The following RIMS2 variants were observed in gnomAD, a reference collection of about 807,000 sequenced individuals.
RIMS2 encodes the protein regulating synaptic membrane exocytosis 2.
RIMS2 carries 59 observed loss-of-function variants against 174.4 expected under a neutral mutation model. The ratio of observed to expected loss-of-function variants is 0.34; its 90% CI spans 0.27 to 0.42. The LOEUF (loss-of-function observed/expected upper bound fraction) is 0.42, where lower values mean the gene tolerates loss of function less well. RIMS2 is among the 10% of genes least tolerant of loss of function. The pLI is 1.00. For synonymous variants in RIMS2, 606 were observed against 572.5 expected (o/e 1.06, Z -0.84); for missense variants, 1,620 against 1,666.3 (o/e 0.97, Z 0.48).
chr8:104,012,152 C>T (rs1395565493), intron 17 of RIMS2, among the ~76,000 whole-genome samples: 2 of 151,824 alleles, frequency 1.3e-5, no homozygotes, highest in Non-Finnish European at 2.9e-5. Flanking sequence ...AAGTAAATCA[C>T]ATGATAGTAT....
chr8:103,752,331 C>A (rs2097904079), intron 2 of RIMS2, among the ~76,000 whole-genome samples: 1 of 152,118 alleles, frequency 6.6e-6, no homozygotes, highest in Non-Finnish European at 1.5e-5. Context: ...GGTACCAGTA[C>A]CATGCTGTTT....
chr8:103,867,833 G>A (rs2099091029), intron 3 of RIMS2, among the ~76,000 whole-genome samples: 2 of 151,934 alleles, frequency 1.3e-5, no homozygotes, highest in Non-Finnish European at 2.9e-5. Flanking sequence ...TGGTTCACTG[G>A]GAAGGTCAGA....
At chr8:103,672,287 G>T (rs1253352005) in intron 1 of RIMS2, among the ~76,000 whole-genome samples, 2 of 151,322 alleles carry the variant, frequency 1.3e-5, no homozygotes, top group African/African-American at 4.9e-5. Context: ...TGCAAATCTT[G>T]TTCAAAGTAA....
intron 3 of RIMS2, among the ~76,000 whole-genome samples, chr8:103,874,631 A>G (rs996579926): frequency 6.6e-6 from 1 of 152,074 alleles, no homozygotes; most frequent in African/African-American, 2.4e-5. Context: ...TAAAATTGCT[A>G]AAGAAACTTT....
At chr8:104,148,403 A>G (rs911124017) in intron 19 of RIMS2, among the ~76,000 whole-genome samples, 2 of 152,178 alleles carry the variant, frequency 1.3e-5, no homozygotes, top group Admixed American at 1.3e-4. Context: ...AAAATCATAA[A>G]TCTGATTTTG....
intron 3 of RIMS2, among the ~76,000 whole-genome samples, chr8:103,820,683 G>C (rs1442214104): frequency 6.6e-6 from 1 of 151,714 alleles, no homozygotes; most frequent in African/African-American, 2.4e-5. Context: ...TTGAAAATGG[G>C]ATAACATATC....
chr8:103,850,841 T>A (rs1174974912), intron 3 of RIMS2, among the ~76,000 whole-genome samples: 2 of 152,050 alleles, frequency 1.3e-5, no homozygotes, highest in Non-Finnish European at 2.9e-5. Flanking sequence ...GAATCCTATA[T>A]GTTTCTTATC....
intron 19 of RIMS2, among the ~76,000 whole-genome samples, chr8:104,089,378 A>G (rs2097592602): frequency 6.6e-6 from 1 of 151,902 alleles, no homozygotes; most frequent in African/African-American, 2.4e-5. Flanking sequence ...ATATTTTAGG[A>G]AAAGTAAAAC....
chr8:103,825,226 T>C (rs999527800), intron 3 of RIMS2, among the ~76,000 whole-genome samples: 1 of 152,150 alleles, frequency 6.6e-6, no homozygotes, highest in South Asian at 2.1e-4. Context: ...TGAAATTTTA[T>C]AGAAGGTAAT....
intron 19 of RIMS2, among the ~76,000 whole-genome samples, chr8:104,149,126 C>A (rs2098669031): frequency 6.6e-6 from 1 of 152,164 alleles, no homozygotes; most frequent in Non-Finnish European, 1.5e-5. Flanking sequence ...CAATTGCCAG[C>A]TGCTGATCCT....
At chr8:103,998,932 A>G (rs977602305) in intron 17 of RIMS2, among the ~76,000 whole-genome samples, 1 of 151,814 alleles carries the variant, frequency 6.6e-6, no homozygotes, top group African/African-American at 2.4e-5. Context: ...TAATAGCAAG[A>G]AGGGTTAACT....
chr8:104,066,155 G>A (rs1458360253), intron 19 of RIMS2, among the ~76,000 whole-genome samples: 1 of 152,142 alleles, frequency 6.6e-6, no homozygotes, highest in Non-Finnish European at 1.5e-5. Flanking sequence ...TGGTGGCAGA[G>A]TTGTGGCAGA....
chr8:103,933,735 G>T (rs563115736), intron 12 of RIMS2, among the ~76,000 whole-genome samples: 2 of 152,238 alleles, frequency 1.3e-5, no homozygotes, highest in South Asian at 4.1e-4. Flanking sequence ...ATAGTGAAAA[G>T]AATTCTCTGC....
intron 1 of RIMS2, among the ~76,000 whole-genome samples, chr8:103,669,635 C>T (rs1590019308): frequency 6.6e-6 from 1 of 152,216 alleles, no homozygotes; most frequent in Non-Finnish European, 1.5e-5. Context: ...AAAGGGGCTA[C>T]AGGCCCCATG....
chr8:103,982,220 T>C (rs2093966335), intron 16 of RIMS2, among the ~76,000 whole-genome samples: 1 of 151,392 alleles, frequency 6.6e-6, no homozygotes, highest in African/African-American at 2.4e-5. Flanking sequence ...GCTTAACAGA[T>C]CAATAACAAA....
intron 2 of RIMS2, among the ~76,000 whole-genome samples, chr8:103,740,929 G>C (rs939279579): frequency 3.3e-5 from 5 of 151,816 alleles, no homozygotes; most frequent in Non-Finnish European, 7.4e-5. Flanking sequence ...TTATCCACAT[G>C]TAATATATTT....
intron 2 of RIMS2, among the ~76,000 whole-genome samples, chr8:103,718,028 C>T (rs2097395728): frequency 6.6e-6 from 1 of 152,090 alleles, no homozygotes; most frequent in Non-Finnish European, 1.5e-5. Flanking sequence ...TTTTCAACTT[C>T]TAAGGCAATA....
At chr8:103,621,033 T>A (rs1203704591) in intron 1 of RIMS2, among the ~76,000 whole-genome samples, 1 of 152,190 alleles carries the variant, frequency 6.6e-6, no homozygotes, top group African/African-American at 2.4e-5. Context: ...AATAAAACAG[T>A]AAATTGAAAA....
intron 3 of RIMS2, among the ~76,000 whole-genome samples, chr8:103,847,137 T>A (rs2098971980): frequency 6.6e-6 from 1 of 152,082 alleles, no homozygotes; most frequent in African/African-American, 2.4e-5. Flanking sequence ...TCCCCCACTT[T>A]AGGAACCAGG....
Sources: gnomAD v4.1 joint callset for allele counts (sites outside exome capture counted in the v4.1 genomes callset) on GRCh38, gnomAD v4.1.1 for gene constraint, MANE v1.5 for transcripts, NCBI Gene and HGNC (gene_info 2026-07-23, HGNC 2026-07-21) for gene names.